LRP1B: variants seen among roughly 807,000 people sequenced by gnomAD.
LRP1B encodes the protein low-density lipoprotein receptor-related protein 1B.
In LRP1B, 217 loss-of-function variants were observed where a neutral mutation model predicts 556.6. The observed-to-expected ratio is 0.39, with a 90% CI of 0.35 to 0.44. The LOEUF (loss-of-function observed/expected upper bound fraction) is 0.44, where lower values mean the gene tolerates loss of function less well. Among genes scored for constraint, LRP1B ranks in the 20% least tolerant of loss-of-function variants. The probability of loss-of-function intolerance (pLI) is 1.00; values close to 1 mark genes in which losing one functional copy is unlikely to be tolerated. For synonymous variants in LRP1B, 2,047 were observed against 1,865.8 expected, an observed-to-expected ratio of 1.10 and a Z score of -2.50; for missense variants, 5,053 against 5,620.8, an observed-to-expected ratio of 0.90 and a Z score of 3.23.
At chr2:141,472,024 G>C (rs1682493347) in intron 3 of LRP1B, among the ~76,000 whole-genome samples, 1 of 152,200 alleles carries the variant, frequency 6.6e-6, no homozygotes, top group Non-Finnish European at 1.5e-5. Context: ...GAGATTACTT[G>C]TCCGAAGGAA....
At chr2:140,322,163 G>C (rs906009571) in intron 81 of LRP1B, 75 bp from the exon 82 acceptor site, 2 of 1,380,422 alleles carry the variant, frequency 1.4e-6, no homozygotes, top group Non-Finnish European at 2.0e-6. Context: ...AATTAAATAA[G>C]GCGAAATGAT....
chr2:141,617,991 T>C (rs1688371120), intron 2 of LRP1B, among the ~76,000 whole-genome samples: 1 of 152,178 alleles, frequency 6.6e-6, no homozygotes, highest in African/African-American at 2.4e-5. Context: ...AGTGAAGACA[T>C]GCTGTGGCCC....
intron 2 of LRP1B, among the ~76,000 whole-genome samples, chr2:141,519,360 G>GAGATATATAT (rs1366593169): frequency 1.5e-4 from 10 of 68,298 alleles, no homozygotes; most frequent in African/African-American, 5.7e-4. Flanking sequence ...TTAAGTCAAT[G>GAGATATATAT]ATATATATAT....
At chr2:140,547,859 C>T (rs941499118) in intron 43 of LRP1B, among the ~76,000 whole-genome samples, 1 of 151,168 alleles carries the variant, frequency 6.6e-6, no homozygotes, top group African/African-American at 2.4e-5. Context: ...AATTAAATAG[C>T]CTAAATATAA....
At chr2:140,693,706 T>G (rs552664642) in intron 41 of LRP1B, among the ~76,000 whole-genome samples, 13 of 146,660 alleles carry the variant, frequency 8.9e-5, no homozygotes, top group South Asian at 6.7e-4. Context: ...TTACTTTTTT[T>G]GGGGTGGGTG....
At chr2:141,327,074 A>G (rs1354163473) in intron 3 of LRP1B, among the ~76,000 whole-genome samples, 2 of 152,186 alleles carry the variant, frequency 1.3e-5, no homozygotes, top group South Asian at 2.1e-4. Flanking sequence ...TAGTGACTGT[A>G]TGTGGCTATA....
intron 1 of LRP1B, among the ~76,000 whole-genome samples, chr2:142,008,354 G>A (rs895513223): frequency 6.6e-6 from 1 of 152,164 alleles, no homozygotes; most frequent in Admixed American, 6.5e-5. Context: ...AGTCAGCTTT[G>A]CCTCAGGGCC....
At chr2:140,626,476 G>A (rs1212981448) in intron 41 of LRP1B, among the ~76,000 whole-genome samples, 1 of 152,078 alleles carries the variant, frequency 6.6e-6, no homozygotes, top group Non-Finnish European at 1.5e-5. Context: ...GCATATGTGG[G>A]AATTTCTGTA....
At chr2:142,071,441 A>G (rs550499274) in intron 1 of LRP1B, among the ~76,000 whole-genome samples, 3 of 151,966 alleles carry the variant, frequency 2.0e-5, no homozygotes, top group Non-Finnish European at 2.9e-5. Context: ...CTTTTTATCT[A>G]GCCCATCAGC....
chr2:140,349,552 A>C (rs939187887), intron 77 of LRP1B, among the ~76,000 whole-genome samples: 1 of 151,922 alleles, frequency 6.6e-6, no homozygotes, highest in Non-Finnish European at 1.5e-5. Context: ...TATATAGTTA[A>C]TATACTAATA....
At chr2:141,796,019 A>G (rs999826353) in intron 2 of LRP1B, among the ~76,000 whole-genome samples, 1 of 150,758 alleles carries the variant, frequency 6.6e-6, no homozygotes, top group African/African-American at 2.4e-5. Context: ...ACACAAGCCA[A>G]TCTCAGCTAC....
intron 5 of LRP1B, among the ~76,000 whole-genome samples, chr2:141,245,438 C>T (rs893431696): frequency 1.3e-5 from 2 of 151,980 alleles, no homozygotes; most frequent in Non-Finnish European, 2.9e-5. Flanking sequence ...AGTCTTTTGC[C>T]CAGTGTGGTT....
chr2:141,590,456 C>G (rs1041568493), intron 2 of LRP1B, among the ~76,000 whole-genome samples: 1 of 152,046 alleles, frequency 6.6e-6, no homozygotes, highest in Non-Finnish European at 1.5e-5. Context: ...TGCAGAGAGA[C>G]GGAAGACAAG....
chr2:142,066,898 C>T (rs1337137603), intron 1 of LRP1B, among the ~76,000 whole-genome samples: 1 of 151,442 alleles, frequency 6.6e-6, no homozygotes, highest in Non-Finnish European at 1.5e-5. Context: ...TTCTGAACTA[C>T]TTTGGTACCA....
intron 59 of LRP1B, among the ~76,000 whole-genome samples, chr2:140,484,039 G>T (rs1173184578): frequency 6.6e-6 from 1 of 151,980 alleles, no homozygotes; most frequent in Non-Finnish European, 1.5e-5. Flanking sequence ...AGTACATCTG[G>T]CCATTATTTC....
At chr2:140,593,333 G>T (rs1682302681) in intron 43 of LRP1B, among the ~76,000 whole-genome samples, 1 of 152,144 alleles carries the variant, frequency 6.6e-6, no homozygotes, top group Admixed American at 6.6e-5. Context: ...TACTTTCCAA[G>T]AAATGATTAA....
intron 2 of LRP1B, among the ~76,000 whole-genome samples, chr2:141,621,866 T>C (rs1419924221): frequency 6.6e-6 from 1 of 152,088 alleles, no homozygotes; most frequent in African/African-American, 2.4e-5. Context: ...TATTATTCAT[T>C]ACTATCTCTC....
intron 31 of LRP1B, among the ~76,000 whole-genome samples, chr2:140,815,704 C>T (rs978183642): frequency 3.3e-5 from 5 of 151,994 alleles, no homozygotes; most frequent in Non-Finnish European, 2.9e-5. Context: ...TCCATATGTA[C>T]GTGATTCTAC....
chr2:140,555,064 GA>G (rs1680681845), intron 43 of LRP1B, among the ~76,000 whole-genome samples: 1 of 151,636 alleles, frequency 6.6e-6, no homozygotes, highest in South Asian at 2.1e-4. Context: ...TTACTCTCTG[GA>G]TCTCGCTGTC....
Sources: allele counts gnomAD v4.1 joint callset (sites outside exome capture counted in the v4.1 genomes callset), GRCh38; gene constraint gnomAD v4.1.1; transcripts MANE v1.5; gene names NCBI Gene and HGNC (gene_info 2026-07-23, HGNC 2026-07-21).